Variants in PPP2R1A observed in about 807,000 individuals in gnomAD.
The protein encoded by PPP2R1A is serine/threonine-protein phosphatase 2A 65 kDa regulatory subunit A alpha isoform.
In PPP2R1A, 15 loss-of-function variants were observed where a neutral mutation model predicts 67.1. That is an observed-to-expected ratio of 0.22 (90% CI 0.15 to 0.34). The LOEUF (loss-of-function observed/expected upper bound fraction) is 0.34, where lower values mean the gene tolerates loss of function less well. Ranked by LOEUF, PPP2R1A falls within the 10% of genes least tolerant of loss-of-function variation. The pLI is 1.00. For synonymous variants in PPP2R1A, 337 were observed against 325.0 expected, an observed-to-expected ratio of 1.04 and a Z score of -0.40; for missense variants, 369 against 775.0, an observed-to-expected ratio of 0.48 and a Z score of 6.22.
At chr19:52,198,349 G>A (rs2089515293) in intron 1 of PPP2R1A, among the ~76,000 whole-genome samples, 1 of 152,212 alleles carries the variant, frequency 6.6e-6, no homozygotes, top group Non-Finnish European at 1.5e-5. Flanking sequence ...AAGAACAGCA[G>A]TGGAAGGAAG....
chr19:52,225,784 T>C lies in PPP2R1A; in HGVS notation c.1729T>C (p.Tyr577His). The change falls in exon 14 of 15, where the codon TAC becomes CAC. Residue 577 changes from tyrosine (Y) to histidine (H), a missense_variant. Physicochemically the swap from Tyr to His is moderately conservative, Grantham distance 83. Coordinates refer to ENST00000322088, the MANE Select transcript of PPP2R1A (RefSeq NM_014225.6). ...LTQDQDVDVKYFAQEALTVLS... is the reference protein window; with the variant it reads ...LTQDQDVDVKHFAQEALTVLS... ...CCAGGACCAGGATGTGGACGTCAAA[T>C]ACTTTGCCCAGGAGGCTCTGACTGG... 6.2e-7 allele frequency: 1 copy of C among 1,614,158 alleles called. No homozygotes were observed. The highest frequency in any genetic ancestry group is 8.5e-7 in the Non-Finnish European group (1 of 1,180,018).
In PPP2R1A at chr19:52,219,719, C is replaced by G; in HGVS notation, c.1157C>G (p.Ser386Cys). 11 of 1,613,860 alleles carry G rather than the reference C, an allele frequency of 6.8e-6. No individual in the cohort carries two copies. The highest frequency in any genetic ancestry group is 9.3e-6 in the Non-Finnish European group (11 of 1,179,820). ...ECPEVRLNII[S>C]NLDCVNEVIG... ...CCTGAGGTACGGCTGAACATCATCT[C>G]TAACCTGGACTGTGTGAACGAGGTG... The change falls in exon 10 of 15, where the codon TCT (serine) becomes TGT (cysteine). Residue 386 changes from serine to cysteine, a missense_variant. By Grantham distance (112) the Ser-to-Cys change is moderately radical. This residue lies in a region of PPP2R1A where 276 missense variants were observed against 508.4 expected (regional missense o/e 0.54). Transcript: ENST00000322088. The surrounding 1 kb of genome is among the most constrained non-coding windows in gnomAD (Gnocchi z 4.0).
At chr19:52,222,356 G>A (rs1978990955) in intron 13 of PPP2R1A, 115 bp downstream of exon 13, 1 of 1,411,284 alleles carries the variant, frequency 7.1e-7, no homozygotes, top group Non-Finnish European at 9.4e-7. Flanking sequence ...CTTGCTTGCT[G>A]TGTGACCTTG....
At chr19:52,203,115 C>A (rs867839513) in intron 2 of PPP2R1A, among the ~76,000 whole-genome samples, 12 of 152,162 alleles carry the variant, frequency 7.9e-5, no homozygotes, top group Admixed American at 4.6e-4. Flanking sequence ...CTTACTTGGA[C>A]CTAGTGATGA....
At chr19:52,204,952 A>C (rs1240947647) in intron 2 of PPP2R1A, among the ~76,000 whole-genome samples, 1 of 152,216 alleles carries the variant, frequency 6.6e-6, no homozygotes, top group African/African-American at 2.4e-5. Flanking sequence ...GCCAACAGTA[A>C]AGCAAGATTT....
At chr19:52,202,447 C>T (rs1238267664) in intron 2 of PPP2R1A, among the ~76,000 whole-genome samples, 1 of 152,236 alleles carries the variant, frequency 6.6e-6, no homozygotes, top group Non-Finnish European at 1.5e-5. Context: ...TGGTGTTCTA[C>T]ACCGTATCTT....
rs1344604858 is a variant in PPP2R1A, at chr19:52,219,589, C to A, written c.1129-102C>A. 4 of 1,257,076 alleles carry A rather than the reference C, an allele frequency of 3.2e-6. No homozygotes were observed. Among genetic ancestry groups the A allele is most frequent in the African/African-American group, 3.0e-5 (2 of 67,364 alleles). The allele number at this position is 1,257,076 out of a possible 1,614,324, so 77.9% of individuals were successfully genotyped here. On this transcript the variant is annotated intron_variant, in intron 9 of 14. Coordinates refer to ENST00000322088, the MANE Select transcript of PPP2R1A (RefSeq NM_014225.6). This position sits in a 1 kb window ranked among gnomAD's most constrained non-coding sequence, Gnocchi z 4.0. ...CTGGGCTTGGACAGGAGTAGTCCCTCGGGAGATGTCCATAAAAGTTGATGC... is the reference window on the plus strand; with the variant it reads ...CTGGGCTTGGACAGGAGTAGTCCCTAGGGAGATGTCCATAAAAGTTGATGC...
intron 3 of PPP2R1A, among the ~76,000 whole-genome samples, chr19:52,207,376 T>G (rs922200705): frequency 2.6e-5 from 4 of 152,152 alleles, no homozygotes; most frequent in Non-Finnish European, 4.4e-5. Context: ...ACCGCAAGGC[T>G]TCAACAAGGG....
intron 2 of PPP2R1A, among the ~76,000 whole-genome samples, chr19:52,203,781 C>G (rs2089575200): frequency 6.6e-6 from 1 of 152,226 alleles, no homozygotes; most frequent in South Asian, 2.1e-4. Flanking sequence ...CCACCAGTCG[C>G]TGGTCCTGTG....
intron 6 of PPP2R1A, among the ~76,000 whole-genome samples, chr19:52,214,067 G>A (rs1458256115): frequency 6.6e-6 from 1 of 152,132 alleles, no homozygotes; most frequent in Non-Finnish European, 1.5e-5. Context: ...GTGGGGCCTT[G>A]GAAGCATTGA....
intron 2 of PPP2R1A, among the ~76,000 whole-genome samples, chr19:52,202,388 A>G (rs781696577): frequency 2.0e-5 from 3 of 152,212 alleles, no homozygotes; most frequent in Non-Finnish European, 2.9e-5. Flanking sequence ...TGAGCATTCA[A>G]TGTTAATAAC....
At chr19:52,191,663 G>GTTTCCTC (rs1190194303) in intron 1 of PPP2R1A, among the ~76,000 whole-genome samples, 3 of 152,170 alleles carry the variant, frequency 2.0e-5, no homozygotes, top group Non-Finnish European at 2.9e-5. Context: ...CTCTAGGCCT[G>GTTTCCTC]TTTCCTCTTC....
chr19:52,213,252 G>A lies in PPP2R1A; in HGVS notation c.807+142G>A, dbSNP rs1330855492. On this transcript the variant is annotated intron_variant, in intron 6 of 14. Coordinates refer to ENST00000322088, the MANE Select transcript of PPP2R1A (RefSeq NM_014225.6). This position sits in a 1 kb window ranked among gnomAD's most constrained non-coding sequence, Gnocchi z 4.2. The stretch of plus-strand genomic sequence containing the variant: ...ATAAGATCTCTATGATCATCTAACT[G>A]CGTCTCGCTTCGTGTGCCAATCCTG... The A allele has an allele frequency of 2.7e-6, 3 of 1,109,400 alleles. No individual in the cohort carries two copies. The highest frequency in any genetic ancestry group is 3.2e-5 in the African/African-American group (2 of 62,468). The allele number at this position is 1,109,400 out of a possible 1,614,324, so 68.7% of individuals were successfully genotyped here. A position where few individuals can be genotyped will look rare whatever the true frequency, so the allele number is the denominator to read the frequency against.
intron 13 of PPP2R1A, among the ~76,000 whole-genome samples, chr19:52,224,724 G>A (rs1979148050): frequency 6.6e-6 from 1 of 152,142 alleles, no homozygotes; most frequent in South Asian, 2.1e-4. Context: ...CTTTGAGGCA[G>A]AATCTCGCTC....
At chr19:52,222,962 T>G (rs1979031689) in intron 13 of PPP2R1A, among the ~76,000 whole-genome samples, 1 of 152,100 alleles carries the variant, frequency 6.6e-6, no homozygotes, top group Admixed American at 6.5e-5. Context: ...CCCAATAATC[T>G]TAACAGGTTC....
chr19:52,216,697 G>A lies in PPP2R1A; in HGVS notation c.1128+34G>A, dbSNP rs747240910. ...ACCAGGATCTCAGCTCTGGGTTTGT[G>A]GAGGGGACAGGCGGGTCTTCCTAGA... On this transcript the variant is annotated intron_variant, in intron 9 of 14. Transcript: ENST00000322088. The surrounding 1 kb of genome is among the most constrained non-coding windows in gnomAD (Gnocchi z 4.3). The A allele has an allele frequency of 1.3e-5, 21 of 1,613,896 alleles. No homozygotes were observed. Among genetic ancestry groups the A allele is most frequent in the Non-Finnish European group, 1.8e-5 (21 of 1,179,992 alleles).
At chr19:52,198,144 C>T (rs755907765) in intron 1 of PPP2R1A, among the ~76,000 whole-genome samples, 2 of 152,144 alleles carry the variant, frequency 1.3e-5, no homozygotes, top group Non-Finnish European at 1.5e-5. Context: ...TCATCATCCC[C>T]ACTTCACAGA....
In PPP2R1A at chr19:52,211,624, A is replaced by G. The variant is rs2089671601; in HGVS notation, c.503+132A>G. On this transcript the variant is annotated intron_variant, in intron 4 of 14. Coordinates refer to ENST00000322088, the MANE Select transcript of PPP2R1A (RefSeq NM_014225.6). The surrounding 1 kb of genome is among the most constrained non-coding windows in gnomAD (Gnocchi z 5.3). ...CTCTCCACTCCCACTCCTGCTTACC[A>G]CCTGATAGGCCACATCCTCGAGAGT... The G allele has an allele frequency of 3.4e-6, 3 of 886,934 alleles. No individual in the cohort carries two copies. The highest frequency in any genetic ancestry group is 3.4e-5 in the South Asian group (2 of 58,884). The allele number at this position is 886,934 out of a possible 1,614,324, so 54.9% of individuals were successfully genotyped here.
At chr19:52,200,818 C>G (rs1471133502) in intron 1 of PPP2R1A, among the ~76,000 whole-genome samples, 2 of 152,264 alleles carry the variant, frequency 1.3e-5, no homozygotes, top group East Asian at 1.9e-4. Flanking sequence ...CCCTCTGTAT[C>G]TGTCTTCCTT....
Sources: allele counts gnomAD v4.1 joint callset (sites outside exome capture counted in the v4.1 genomes callset), GRCh38; gene constraint gnomAD v4.1.1; regional missense constraint gnomAD v4.1.1; non-coding constraint Gnocchi (gnomAD v3.1); transcripts MANE v1.5; gene names NCBI Gene and HGNC (gene_info 2026-07-23, HGNC 2026-07-21).